SUPT3H: variants seen among roughly 807,000 people sequenced by gnomAD.
The protein encoded by SUPT3H is transcription initiation protein SPT3 homolog.
Under a neutral mutation model 44.3 loss-of-function variants are expected in SUPT3H, and 44 were observed. That is an observed-to-expected ratio of 0.99 (90% CI 0.78 to 1.28). The LOEUF (loss-of-function observed/expected upper bound fraction) is 1.28, where lower values mean the gene tolerates loss of function less well. Ranked by LOEUF, SUPT3H falls within the 50% of genes most tolerant of loss-of-function variation. The pLI is 0.00. For synonymous variants in SUPT3H, 124 were observed against 125.6 expected, an observed-to-expected ratio of 0.99 and a Z score of 0.09; for missense variants, 380 against 387.1, an observed-to-expected ratio of 0.98 and a Z score of 0.15.
At chr6:45,020,845 T>C (rs1421090950) in intron 3 of SUPT3H, among the ~76,000 whole-genome samples, 3 of 151,914 alleles carry the variant, frequency 2.0e-5, no homozygotes, top group African/African-American at 4.8e-5. Context: ...CTGTAACCAA[T>C]ACAATAAACA....
chr6:45,065,653 A>C (rs1044970355), intron 3 of SUPT3H, among the ~76,000 whole-genome samples: 12 of 151,310 alleles, frequency 7.9e-5, no homozygotes, highest in African/African-American at 2.9e-4. Context: ...ACAGAAATAC[A>C]AACTACCATC....
intron 2 of SUPT3H, among the ~76,000 whole-genome samples, chr6:45,242,051 C>T (rs62400290): frequency 0.23 from 34,528 of 152,018 alleles, 4,602 homozygotes; most frequent in Non-Finnish European, 0.31. Flanking sequence ...CAGACAGTTC[C>T]ACTTGTGGAA....
At chr6:45,004,778 G>A (rs1782471466) in intron 5 of SUPT3H, among the ~76,000 whole-genome samples, 1 of 152,056 alleles carries the variant, frequency 6.6e-6, no homozygotes, top group Non-Finnish European at 1.5e-5. Flanking sequence ...GGGTTCTTAT[G>A]ATATTCCTTC....
At chr6:45,128,589 CATAT>C (rs1183547786) in intron 2 of SUPT3H, among the ~76,000 whole-genome samples, 4 of 118,166 alleles carry the variant, frequency 3.4e-5, no homozygotes, top group African/African-American at 1.4e-4. Context: ...CACACATACA[CATAT>C]ATATATATAC....
At chr6:45,077,734 T>C (rs1012511681) in intron 3 of SUPT3H, among the ~76,000 whole-genome samples, 1 of 150,748 alleles carries the variant, frequency 6.6e-6, no homozygotes, top group African/African-American at 2.4e-5. Flanking sequence ...TGTCACATTA[T>C]CAGTAGAAAA....
chr6:44,937,247 TTTG>T (rs1408246758), intron 9 of SUPT3H, among the ~76,000 whole-genome samples: 4 of 151,858 alleles, frequency 2.6e-5, no homozygotes, highest in Admixed American at 2.6e-4. Context: ...ATCCCAGCAC[TTTG>T]GGAGGCCGAG....
intron 2 of SUPT3H, among the ~76,000 whole-genome samples, chr6:45,137,907 C>T (rs566018618): frequency 1.3e-4 from 20 of 151,712 alleles, no homozygotes; most frequent in African/African-American, 4.8e-4. Context: ...TTCAAAAAAA[C>T]AATATTAAGC....
At chr6:45,276,761 G>A (rs1777096994) in intron 2 of SUPT3H, among the ~76,000 whole-genome samples, 1 of 152,078 alleles carries the variant, frequency 6.6e-6, no homozygotes, top group Non-Finnish European at 1.5e-5. Context: ...CTCCAATTAA[G>A]GCCATCCAAA....
At chr6:45,300,874 G>C (rs1401111022) in intron 2 of SUPT3H, among the ~76,000 whole-genome samples, 1 of 152,074 alleles carries the variant, frequency 6.6e-6, no homozygotes, top group African/African-American at 2.4e-5. Context: ...ACTGCTCTTA[G>C]TAAAAAATTT....
At position 45,321,902 on chromosome 6, in the gene SUPT3H, AAT is replaced by A. The variant is rs755886560; in HGVS notation, c.101+43297_101+43298del. 9 of 1,457,094 alleles carry A rather than the reference AAT, an allele frequency of 6.2e-6. No homozygotes were observed. The East Asian group carries it at 2.2e-4, about 35-fold the overall frequency. The allele number at this position is 1,457,094 out of a possible 1,614,324, so 90.3% of individuals were successfully genotyped here. ...GTTTTCCCTATGAAGCTAGAAAAAA[AAT>A]TGTAATCTCACCTTAGATGGTTAAA... is the stretch of plus-strand genomic sequence containing the variant. On this transcript the variant is annotated intron_variant, in intron 2 of 10. Coordinates refer to ENST00000371459, the MANE Select transcript of SUPT3H (RefSeq NM_003599.4).
intron 10 of SUPT3H, among the ~76,000 whole-genome samples, chr6:44,843,329 C>T (rs1771303371): frequency 6.6e-6 from 1 of 152,110 alleles, no homozygotes; most frequent in Non-Finnish European, 1.5e-5. Context: ...AACAATTTCT[C>T]CATAAGATCA....
At chr6:45,224,673 G>A (rs1034839163) in intron 2 of SUPT3H, among the ~76,000 whole-genome samples, 43 of 151,930 alleles carry the variant, frequency 2.8e-4, no homozygotes, top group Non-Finnish European at 5.0e-4. Context: ...AGCTACTCTG[G>A]AGGCTGAGGC....
At chr6:45,288,993 G>C (rs1779866255) in intron 2 of SUPT3H, among the ~76,000 whole-genome samples, 1 of 151,816 alleles carries the variant, frequency 6.6e-6, no homozygotes, top group Non-Finnish European at 1.5e-5. Context: ...TCTAATATAG[G>C]ATCCATAGGA....
intron 2 of SUPT3H, among the ~76,000 whole-genome samples, chr6:45,180,665 A>G (rs1236825919): frequency 6.6e-6 from 1 of 152,174 alleles, no homozygotes; most frequent in Non-Finnish European, 1.5e-5. Context: ...GGCTAGCCAT[A>G]TGTAGAAAGC....
chr6:45,031,683 C>A (rs983787732), intron 3 of SUPT3H, among the ~76,000 whole-genome samples: 1 of 151,904 alleles, frequency 6.6e-6, no homozygotes, highest in African/African-American at 2.4e-5. Flanking sequence ...AGTGTTTAAC[C>A]CTGGGTATAG....
chr6:45,279,885 C>T (rs1434511373), intron 2 of SUPT3H, among the ~76,000 whole-genome samples: 1 of 152,072 alleles, frequency 6.6e-6, no homozygotes, highest in Admixed American at 6.6e-5. Flanking sequence ...TAACAGATAC[C>T]TCAAATTTAA....
chr6:45,200,438 C>T (rs1363530679), intron 2 of SUPT3H, among the ~76,000 whole-genome samples: 1 of 151,212 alleles, frequency 6.6e-6, no homozygotes, highest in Non-Finnish European at 1.5e-5. Flanking sequence ...AAAGTATATC[C>T]CATTTTGATG....
intron 2 of SUPT3H, among the ~76,000 whole-genome samples, chr6:45,176,133 C>A (rs1053431777): frequency 1.3e-5 from 2 of 151,928 alleles, no homozygotes; most frequent in African/African-American, 2.4e-5. Context: ...ACGCAGAAGA[C>A]GGGTGATTTC....
At chr6:44,908,876 TAATA>T (rs777832097) in intron 10 of SUPT3H, among the ~76,000 whole-genome samples, 3 of 152,222 alleles carry the variant, frequency 2.0e-5, no homozygotes, top group Non-Finnish European at 4.4e-5. Context: ...TCTAAAATTT[TAATA>T]AATAGGTAAT....
Sources: gnomAD v4.1 joint callset for allele counts (sites outside exome capture counted in the v4.1 genomes callset) on GRCh38, gnomAD v4.1.1 for gene constraint, MANE v1.5 for transcripts, NCBI Gene and HGNC (gene_info 2026-07-23, HGNC 2026-07-21) for gene names.